Variants in CNIH3 observed in about 807,000 individuals in gnomAD.
CNIH3 encodes protein cornichon homolog 3.
In CNIH3, 14 loss-of-function variants were observed where a neutral mutation model predicts 24.1. The ratio of observed to expected loss-of-function variants is 0.58; its 90% CI spans 0.38 to 0.91. The LOEUF (loss-of-function observed/expected upper bound fraction) is 0.91. Ranked by LOEUF, CNIH3 falls within the 40% of genes least tolerant of loss-of-function variation. The probability of loss-of-function intolerance (pLI) is 0.00; values close to 1 mark genes in which losing one functional copy is unlikely to be tolerated. For synonymous variants in CNIH3, 68 were observed against 73.8 expected, an observed-to-expected ratio of 0.92 and a Z score of 0.40; for missense variants, 178 against 196.8, an observed-to-expected ratio of 0.90 and a Z score of 0.57.
chr1:224,485,412 T>A (rs1439334242), intron 1 of CNIH3, among the ~76,000 whole-genome samples: 1 of 152,222 alleles, frequency 6.6e-6, no homozygotes, highest in Non-Finnish European at 1.5e-5. Flanking sequence ...TCAGCCTTCT[T>A]CCATTCCAGG....
intron 3 of CNIH3, among the ~76,000 whole-genome samples, chr1:224,708,739 C>G (rs1427058419): frequency 6.6e-6 from 1 of 152,172 alleles, no homozygotes. Context: ...CTGTCTTGTG[C>G]ACACGCATGT....
intron 4 of CNIH3, among the ~76,000 whole-genome samples, chr1:224,568,936 G>A (rs973346643): frequency 1.7e-4 from 26 of 152,070 alleles, no homozygotes; most frequent in African/African-American, 3.6e-4. Context: ...ACAATGGAGC[G>A]ATCTCGGCTC....
At chr1:224,475,491 CAG>C (rs1213891107) in intron 1 of CNIH3, among the ~76,000 whole-genome samples, 1 of 151,808 alleles carries the variant, frequency 6.6e-6, no homozygotes, top group Non-Finnish European at 1.5e-5. Flanking sequence ...CTAGAAGAAA[CAG>C]ATAAATTCCT....
At chr1:224,712,808 T>C (rs1013109082) in intron 3 of CNIH3, among the ~76,000 whole-genome samples, 50 of 152,294 alleles carry the variant, frequency 3.3e-4, no homozygotes, top group African/African-American at 1.1e-3. Context: ...TCTGCCTTAT[T>C]ATGTGGTTGT....
At chr1:224,707,791 TC>T (rs1687905037) in intron 3 of CNIH3, among the ~76,000 whole-genome samples, 1 of 152,258 alleles carries the variant, frequency 6.6e-6, no homozygotes, top group Non-Finnish European at 1.5e-5. Context: ...TACCCGCTTT[TC>T]AGCACTTACT....
Position 224,601,401 on chromosome 1 carries a change from G to A in CNIH3, n.402+35137G>A, listed in dbSNP as rs549160829. ...TACCAGTGAATGCCGCCATTTTGCC[G>A]CTTAGTGCACATGCTTGAGCCCATT... On this transcript the variant is annotated intron_variant and non_coding_transcript_variant, in intron 3 of 7. Coordinates refer to the CNIH3 transcript ENST00000478120. Among the ~76,000 whole-genome samples the A allele has an allele frequency of 5.3e-5, 8 of 152,246 alleles. No individual in the cohort carries two copies. In the East Asian group the frequency reaches 1.2e-3, roughly 22 times the overall value.
chr1:224,669,582 G>A (rs749340509), intron 1 of CNIH3, among the ~76,000 whole-genome samples: 1 of 152,208 alleles, frequency 6.6e-6, no homozygotes, highest in Admixed American at 6.5e-5. Context: ...GATTCAGAGG[G>A]TGTGTTGCTA....
At chr1:224,697,658 A>T (rs927317079) in intron 3 of CNIH3, among the ~76,000 whole-genome samples, 1 of 152,106 alleles carries the variant, frequency 6.6e-6, no homozygotes, top group Non-Finnish European at 1.5e-5. Context: ...CCAGAATGTG[A>T]TGAGAAGTAA....
intron 1 of CNIH3, among the ~76,000 whole-genome samples, chr1:224,462,118 G>A (rs907764403): frequency 7.4e-4 from 113 of 151,862 alleles, no homozygotes; most frequent in African/African-American, 1.2e-3. Flanking sequence ...ATCACCATCC[G>A]CACCGTTGGT....
At position 224,684,355 on chromosome 1, in the gene CNIH3, A is replaced by G. The variant is rs149831717; in HGVS notation, c.151-441A>G. On this transcript the variant is annotated intron_variant, in intron 2 of 5. Coordinates refer to ENST00000272133, the MANE Select transcript of CNIH3 (RefSeq NM_152495.2). The surrounding 1 kb of genome is among the most constrained non-coding windows in gnomAD (Gnocchi z 4.2). ...AAACCAGCAGGCAGAGAACTTGTCTACCTTAGATACTAATGAGGGCACATA... is the reference window on the plus strand; with the variant it reads ...AAACCAGCAGGCAGAGAACTTGTCTGCCTTAGATACTAATGAGGGCACATA... Among the ~76,000 whole-genome samples the G allele has an allele frequency of 5.8e-3, 879 of 152,320 alleles. 9 individuals carry two copies. Among genetic ancestry groups the G allele is most frequent in the African/African-American group, 0.019 (808 of 41,572 alleles).
At chr1:224,710,446 T>A (rs560224500) in intron 3 of CNIH3, among the ~76,000 whole-genome samples, 1 of 152,350 alleles carries the variant, frequency 6.6e-6, no homozygotes, top group South Asian at 2.1e-4. Flanking sequence ...CCCTTCACAT[T>A]GTTGGAATGA....
chr1:224,530,695 G>A (rs771434490), intron 2 of CNIH3, among the ~76,000 whole-genome samples: 13 of 152,068 alleles, frequency 8.5e-5, no homozygotes, highest in Non-Finnish European at 1.8e-4. Flanking sequence ...TGCCTCCTGG[G>A]TTCAAGCGGT....
In CNIH3 at chr1:224,555,573, A is replaced by G. The variant is rs1463592566; in HGVS notation, n.450+8634A>G. Among the ~76,000 whole-genome samples, 37 of 152,236 alleles carry G rather than the reference A, an allele frequency of 2.4e-4. 1 individual carries two copies. The highest frequency in any genetic ancestry group is 2.4e-3 in the Admixed American group (37 of 15,278). ...CTATGAACAACTTCTTTAATTTTCA[A>G]TTCCTGTGATTTCTCACCCACACTT... On this transcript the variant is annotated intron_variant and non_coding_transcript_variant, in intron 3 of 5. Transcript: ENST00000471578.
chr1:224,501,718 T>A (rs1187758490), intron 1 of CNIH3, among the ~76,000 whole-genome samples: 4 of 151,854 alleles, frequency 2.6e-5, no homozygotes, highest in Admixed American at 6.6e-5. Context: ...GTAGCTGGGA[T>A]TACAGGTGCG....
At chr1:224,531,945 A>C (rs1679086837) in intron 2 of CNIH3, among the ~76,000 whole-genome samples, 2 of 152,212 alleles carry the variant, frequency 1.3e-5, no homozygotes, top group Admixed American at 6.5e-5. Flanking sequence ...CTGGTGTTCT[A>C]GGTACTTGGG....
At position 224,651,977 on chromosome 1, in the gene CNIH3, A is replaced by G. The variant is rs541729819; in HGVS notation, c.82-28981A>G. Among the ~76,000 whole-genome samples the G allele has an allele frequency of 1.2e-4, 19 of 152,282 alleles. 1 individual carries two copies. In the South Asian group the frequency reaches 3.9e-3, roughly 32 times the overall value. On this transcript the variant is annotated intron_variant, in intron 1 of 5. Coordinates refer to ENST00000272133, the MANE Select transcript of CNIH3 (RefSeq NM_152495.2). ...CTTTTTCCCTGCTTCCTCAACAGTA[A>G]CTTATCACAAAATTTTTTTCAATCC... is the stretch of plus-strand genomic sequence containing the variant.
chr1:224,675,839 GA>G (rs1686112147), intron 1 of CNIH3, among the ~76,000 whole-genome samples: 1 of 152,188 alleles, frequency 6.6e-6, no homozygotes, highest in African/African-American at 2.4e-5. Flanking sequence ...AAACTAAACT[GA>G]CAGGACTTAG....
intron 1 of CNIH3, among the ~76,000 whole-genome samples, chr1:224,490,101 T>C (rs759368683): frequency 6.6e-6 from 1 of 152,212 alleles, no homozygotes; most frequent in Non-Finnish European, 1.5e-5. Context: ...CAACTTTATT[T>C]GTAGTGAGTG....
chr1:224,524,462 G>A (rs980848954), intron 2 of CNIH3, among the ~76,000 whole-genome samples: 8 of 152,122 alleles, frequency 5.3e-5, no homozygotes, highest in Admixed American at 1.3e-4. Flanking sequence ...AGCCTCTAGG[G>A]TATCAAACTA....
Sources: gnomAD v4.1 joint callset for allele counts (sites outside exome capture counted in the v4.1 genomes callset) on GRCh38, gnomAD v4.1.1 for gene constraint, Gnocchi (gnomAD v3.1) non-coding constraint, MANE v1.5 for transcripts, NCBI Gene and HGNC (gene_info 2026-07-23, HGNC 2026-07-21) for gene names.